CDIP1: variants seen among roughly 807,000 people sequenced by gnomAD.
CDIP1 encodes the protein cell death-inducing p53-target protein 1.
CDIP1 carries 9 observed loss-of-function variants against 17.7 expected under a neutral mutation model. The observed-to-expected ratio is 0.51, with a 90% CI of 0.31 to 0.89. CDIP1 has a LOEUF of 0.89. CDIP1 is among the 40% of genes least tolerant of loss of function. The probability of loss-of-function intolerance (pLI) is 0.05; values close to 1 mark genes in which losing one functional copy is unlikely to be tolerated. For synonymous variants in CDIP1, 117 were observed against 109.5 expected, an observed-to-expected ratio of 1.07 and a Z score of -0.43; for missense variants, 263 against 277.9, an observed-to-expected ratio of 0.95 and a Z score of 0.38.
intron 1 of CDIP1, among the ~76,000 whole-genome samples, chr16:4,522,174 C>T (rs532284406): frequency 6.6e-6 from 1 of 152,344 alleles, no homozygotes; most frequent in Non-Finnish European, 1.5e-5. Flanking sequence ...GGGCCACCTG[C>T]TCCACGGTAA....
At position 4,518,354 on chromosome 16, in the gene CDIP1, T is replaced by C. The variant is rs1019639041; in HGVS notation, c.-104-3690A>G. On this transcript the variant is annotated intron_variant, in intron 1 of 5. Coordinates refer to ENST00000567695, the MANE Select transcript of CDIP1 (RefSeq NM_013399.3). The stretch of plus-strand genomic sequence containing the variant: ...CCCACAGGGCATAGCCCTCCTTTGG[T>C]GTTCACCCAACCTGGGTACAGAAAA... Among the ~76,000 whole-genome samples, 53 of 152,214 alleles carry C rather than the reference T, an allele frequency of 3.5e-4. 1 individual carries two copies. Among genetic ancestry groups the C allele is most frequent in the African/African-American group, 1.3e-3 (52 of 41,460 alleles).
chr16:4,516,688 G>A (rs1009026150), intron 1 of CDIP1, among the ~76,000 whole-genome samples: 1 of 135,822 alleles, frequency 7.4e-6, no homozygotes, highest in African/African-American at 2.7e-5. Flanking sequence ...TGTCCTGACA[G>A]TTTTAAATCC....
rs375771706 is a variant in CDIP1 at position 4,529,780 on chromosome 16, A to C, written c.-105+8922T>G. Among the ~76,000 whole-genome samples, 26 of 152,324 alleles carry C rather than the reference A, an allele frequency of 1.7e-4. No homozygotes were observed. In the East Asian group the frequency reaches 1.9e-3, roughly 11 times the overall value. On this transcript the variant is annotated intron_variant, in intron 1 of 5. Coordinates refer to ENST00000567695, the MANE Select transcript of CDIP1 (RefSeq NM_013399.3). Reference sequence around the variant, plus strand: ...CAGCTGTCTGTTGGATGAGATCAAGACACACCACTGCAACCTACAAAAAAG... The same window carrying C: ...CAGCTGTCTGTTGGATGAGATCAAGCCACACCACTGCAACCTACAAAAAAG...
chr16:4,513,873 G>T lies in CDIP1; in HGVS notation c.86-22C>A, dbSNP rs1259938321. 4.5e-6 allele frequency: 7 copies of T among 1,541,812 alleles called. No individual in the cohort carries two copies. On this transcript the variant is annotated intron_variant, in intron 3 of 5. Transcript: ENST00000567695. This position sits in a 1 kb window ranked among gnomAD's most constrained non-coding sequence, Gnocchi z 4.1. ...CGGCCTGGACAGAGAGAGGCAGAAAGAGGAGACTGAGCTGGAGCCTCTGCA... is the reference window on the plus strand; with the variant it reads ...CGGCCTGGACAGAGAGAGGCAGAAATAGGAGACTGAGCTGGAGCCTCTGCA...
chr16:4,521,571 A>G (rs1211646442), intron 1 of CDIP1, among the ~76,000 whole-genome samples: 1 of 152,092 alleles, frequency 6.6e-6, no homozygotes, highest in African/African-American at 2.4e-5. Flanking sequence ...AGTCAAGAAC[A>G]TGGGCTCTGG....
In CDIP1 at chr16:4,512,737, G is replaced by A. The variant is rs1374691793; in HGVS notation, c.515+54C>T. 1 of 1,603,968 alleles carries A rather than the reference G, an allele frequency of 6.2e-7. No individual in the cohort carries two copies. Among genetic ancestry groups the A allele is most frequent in the African/African-American group, 1.3e-5 (1 of 74,754 alleles). On this transcript the variant is annotated intron_variant, in intron 5 of 5. Transcript: ENST00000567695. The surrounding 1 kb of genome is among the most constrained non-coding windows in gnomAD (Gnocchi z 4.6). Reference sequence around the variant, plus strand: ...GAGGCCTGCTGCGGAGGAGGCAGAGGCAGCCAGTTGACCCTGGTGCAGCCC... The same window carrying A: ...GAGGCCTGCTGCGGAGGAGGCAGAGACAGCCAGTTGACCCTGGTGCAGCCC...
chr16:4,518,502 C>T (rs920196654), intron 1 of CDIP1, among the ~76,000 whole-genome samples: 52 of 152,170 alleles, frequency 3.4e-4, no homozygotes, highest in African/African-American at 1.2e-3. Context: ...GTTGCTCCTC[C>T]GTGTCTTCCC....
intron 1 of CDIP1, among the ~76,000 whole-genome samples, chr16:4,534,877 C>G (rs966563975): frequency 6.6e-6 from 1 of 151,976 alleles, no homozygotes; most frequent in Non-Finnish European, 1.5e-5. Flanking sequence ...CACCACCACA[C>G]CCGGCTAATT....
intron 1 of CDIP1, among the ~76,000 whole-genome samples, chr16:4,517,624 C>T (rs914864308): frequency 6.6e-6 from 1 of 152,070 alleles, no homozygotes; most frequent in Non-Finnish European, 1.5e-5. Flanking sequence ...GCCTGTAGTC[C>T]CAGCTACTGG....
chr16:4,537,007 G>A (rs1279213149), intron 1 of CDIP1, among the ~76,000 whole-genome samples: 1 of 152,122 alleles, frequency 6.6e-6, no homozygotes, highest in African/African-American at 2.4e-5. Flanking sequence ...GAAAACCTCC[G>A]AACTCCTTCA....
In CDIP1 at chr16:4,513,040, TGG is replaced by T; in HGVS notation, c.264_265del (p.His89ProfsTer45). 6.3e-7 allele frequency: 1 copy of T among 1,592,732 alleles called. No individual in the cohort carries two copies. Among genetic ancestry groups the T allele is most frequent in the Non-Finnish European group, 8.5e-7 (1 of 1,172,502 alleles). On this transcript the variant is annotated frameshift_variant, in exon 5 of 6. Coordinates refer to ENST00000567695, the MANE Select transcript of CDIP1 (RefSeq NM_013399.3). LOFTEE classifies it high-confidence loss of function. This position sits in a 1 kb window ranked among gnomAD's most constrained non-coding sequence, Gnocchi z 4.1. Reference sequence around the variant, plus strand: ...TGGGGGGTAGTAGCCCATGGGTGGGTGGGGGCCTGGAGGAGGGTAGAAACCTG... The same window carrying T: ...TGGGGGGTAGTAGCCCATGGGTGGGTGGGCCTGGAGGAGGGTAGAAACCTG...
chr16:4,517,975 C>T (rs548879411), intron 1 of CDIP1, among the ~76,000 whole-genome samples: 5 of 152,266 alleles, frequency 3.3e-5, no homozygotes, highest in East Asian at 1.9e-4. Context: ...TGCTCTCTGG[C>T]GCCTCTGGGT....
intron 1 of CDIP1, chr16:4,533,326 T>C (rs72768361): frequency 0.042 from 6,330 of 152,364 alleles, 164 homozygotes; most frequent in Middle Eastern, 0.16. Context: ...GTCAGACCCA[T>C]AGCTCCTGCA....
chr16:4,530,467 T>A (rs1158136925), intron 1 of CDIP1, among the ~76,000 whole-genome samples: 3 of 151,832 alleles, frequency 2.0e-5, no homozygotes, highest in African/African-American at 7.3e-5. Flanking sequence ...CCGACCAACA[T>A]GGAGAAACCC....
chr16:4,515,919 A>T (rs933541201), intron 1 of CDIP1, among the ~76,000 whole-genome samples: 1 of 152,038 alleles, frequency 6.6e-6, no homozygotes, highest in Admixed American at 6.6e-5. Flanking sequence ...CAGCAATTCC[A>T]CCCCTAGTTA....
intron 1 of CDIP1, chr16:4,522,363 A>T (rs1481814156): frequency 6.6e-6 from 1 of 152,358 alleles, no homozygotes; most frequent in East Asian, 1.9e-4. Flanking sequence ...TGCTGCCCAG[A>T]CACATTTCTC....
chr16:4,520,604 C>T (rs913418681), intron 1 of CDIP1, among the ~76,000 whole-genome samples: 1 of 152,146 alleles, frequency 6.6e-6, no homozygotes, highest in Non-Finnish European at 1.5e-5. Context: ...AATGTTGACA[C>T]ATCTCATTGA....
chr16:4,516,196 T>C (rs1246302616), intron 1 of CDIP1, among the ~76,000 whole-genome samples: 1 of 152,158 alleles, frequency 6.6e-6, no homozygotes, highest in Non-Finnish European at 1.5e-5. Context: ...ATTTCACTTA[T>C]ATGAAATGTC....
chr16:4,520,113 G>GT (rs1413709513), intron 1 of CDIP1, among the ~76,000 whole-genome samples: 5 of 148,528 alleles, frequency 3.4e-5, no homozygotes, highest in Non-Finnish European at 5.9e-5. Context: ...TTGACAAGTG[G>GT]TAGGTTTTTT....
Sources: allele counts gnomAD v4.1 joint callset (sites outside exome capture counted in the v4.1 genomes callset), GRCh38; gene constraint gnomAD v4.1.1; non-coding constraint Gnocchi (gnomAD v3.1); transcripts MANE v1.5; gene names NCBI Gene and HGNC (gene_info 2026-07-23, HGNC 2026-07-21).